Variants in ASB1 observed in about 807,000 individuals in gnomAD.
ASB1 encodes the protein ankyrin repeat and SOCS box containing 1, also known as ankyrin repeat and SOCS box protein 1.
In ASB1, 18 loss-of-function variants were observed where a neutral mutation model predicts 27.7. The ratio of observed to expected loss-of-function variants is 0.65; its 90% CI spans 0.45 to 0.96. ASB1 has a LOEUF of 0.96. Among genes scored for constraint, ASB1 ranks in the 50% least tolerant of loss-of-function variants. The probability of loss-of-function intolerance (pLI) is 0.00; values close to 1 mark genes in which losing one functional copy is unlikely to be tolerated. For synonymous variants in ASB1, 189 were observed against 187.6 expected (o/e 1.01, Z -0.06); for missense variants, 397 against 451.7 (o/e 0.88, Z 1.10).
chr2:238,438,556 C>T (rs557574762), intron 3 of ASB1, among the ~76,000 whole-genome samples: 27 of 152,250 alleles, frequency 1.8e-4, no homozygotes, highest in African/African-American at 5.1e-4. Context: ...CACTGGAGCA[C>T]GGGACATTAC....
intron 3 of ASB1, among the ~76,000 whole-genome samples, chr2:238,442,927 A>G (rs1039903277): frequency 2.0e-5 from 3 of 152,200 alleles, no homozygotes; most frequent in East Asian, 1.9e-4. Context: ...CCAGTGCCAC[A>G]GTTTTATTTT....
chr2:238,436,636 C>G (rs751259292), intron 3 of ASB1, among the ~76,000 whole-genome samples: 8 of 152,156 alleles, frequency 5.3e-5, no homozygotes, highest in Non-Finnish European at 7.3e-5. Context: ...GTAGCTGACA[C>G]TACAGGTGTG....
At position 238,434,905 on chromosome 2, in the gene ASB1, C is replaced by T. The variant is rs191178175; in HGVS notation, c.192-806C>T. Among the ~76,000 whole-genome samples the T allele has an allele frequency of 2.4e-3, 372 of 152,350 alleles. 1 individual carries two copies. Among genetic ancestry groups the T allele is most frequent in the African/African-American group, 7.9e-3 (329 of 41,584 alleles). On this transcript the variant is annotated intron_variant, in intron 2 of 4. Transcript: ENST00000264607. ...GGTGATGAGTTCCTGGAGTGTTCCT[C>T]GACTTTCCTGGGCAGTCAGAGCCTA... is the stretch of plus-strand genomic sequence containing the variant.
At chr2:238,432,453 G>A (rs951071241) in intron 1 of ASB1, among the ~76,000 whole-genome samples, 7 of 125,514 alleles carry the variant, frequency 5.6e-5, no homozygotes, top group African/African-American at 1.7e-4. Flanking sequence ...TTTAACCTTC[G>A]TTTTTATTGA....
chr2:238,436,501 T>C (rs1701974282), intron 3 of ASB1, among the ~76,000 whole-genome samples: 1 of 152,082 alleles, frequency 6.6e-6, no homozygotes, highest in East Asian at 1.9e-4. Context: ...ATTATTATTA[T>C]TTTTGTTTAG....
rs780095192 is a variant in ASB1 at position 238,446,384 on chromosome 2, G to A, written c.881G>A (p.Ser294Asn). 21 of 1,598,910 alleles carry A rather than the reference G, an allele frequency of 1.3e-5. No individual in the cohort carries two copies. Among genetic ancestry groups the A allele is most frequent in the Admixed American group, 1.7e-5 (1 of 57,798 alleles). Reference sequence around the variant, plus strand: ...CTCTCTTTCTTCCCACGGCCTTCAGGTGTTCCCAGAACCTTGCTGTGTCTG... The same window carrying A: ...CTCTCTTTCTTCCCACGGCCTTCAGATGTTCCCAGAACCTTGCTGTGTCTG... ...EALQVFKEAR[S>N]VPRTLLCLCR... The change falls in exon 5 of 5, where the codon AGT becomes AAT. Residue 294 changes from serine to asparagine, a missense_variant and splice_region_variant. Transcript: ENST00000264607.
Position 238,449,791 on chromosome 2 carries a change from C to A in ASB1, c.*3280C>A, listed in dbSNP as rs891233334. 1 of 152,116 alleles carries A rather than the reference C, an allele frequency of 6.6e-6. No individual in the cohort carries two copies. The highest frequency in any genetic ancestry group is 2.1e-4 in the South Asian group (1 of 4,828). 9.4% of individuals were successfully genotyped at this position (152,116 alleles called of 1,614,324 possible). On this transcript the variant is annotated 3_prime_UTR_variant, in exon 5 of 5. Coordinates refer to ENST00000264607, the MANE Select transcript of ASB1 (RefSeq NM_001040445.3). ...AACAGGTAATTTTAAAGAGAAGGAA[C>A]AATTGTTTTTAGTAAGTTTTCTTTT...
At position 238,446,509 on chromosome 2, in the gene ASB1, T is replaced by A; in HGVS notation, c.1006T>A (p.Ter336LysextTer32). ...DPIKKFLLHE[*>K] ...CATAAAGAAGTTTCTACTCCATGAG[T>A]AGACTCCAAGTGCTGCGGTTGATTC... Residue 336 changes from the stop codon to lysine (K), a stop_lost, in exon 5 of 5, where the codon TAG becomes AAG. Transcript: ENST00000264607. 6.2e-7 allele frequency: 1 copy of A among 1,613,882 alleles called. No individual in the cohort carries two copies. Among genetic ancestry groups the A allele is most frequent in the Non-Finnish European group, 8.5e-7 (1 of 1,179,996 alleles).
chr2:238,427,195 T>TCCTGCGTCCTCGTC (rs1401616636), intron 1 of ASB1, 76 bp downstream of exon 1: 1 of 1,084,004 alleles, frequency 9.2e-7, no homozygotes, highest in Non-Finnish European at 1.2e-6. Flanking sequence ...CCTGCCGAGG[T>TCCTGCGTCCTCGTC]CCTGCGTCCT....
chr2:238,445,344 C>T (rs1366268825), intron 4 of ASB1, among the ~76,000 whole-genome samples: 1 of 152,118 alleles, frequency 6.6e-6, no homozygotes, highest in Non-Finnish European at 1.5e-5. Context: ...ACAGTGACTT[C>T]TTTTATGCCT....
intron 3 of ASB1, among the ~76,000 whole-genome samples, chr2:238,441,395 G>A (rs113908417): frequency 0.016 from 2,359 of 152,150 alleles, 58 homozygotes; most frequent in African/African-American, 0.045. Flanking sequence ...TTGGCCTCCT[G>A]AAGCGCTGGG....
Position 238,433,661 on chromosome 2 carries a change from C to T in ASB1, c.157C>T (p.Leu53Phe), listed in dbSNP as rs1287770063. The change falls in exon 2 of 5, where the codon CTC (leucine) becomes TTC (phenylalanine). Residue 53 changes from leucine (L) to phenylalanine (F), a missense_variant. Transcript: ENST00000264607. ...DAAYVGDLQT[L>F]RSLLQEESYR... is the part of the protein sequence containing the mutation. The stretch of plus-strand genomic sequence containing the variant: ...AGCTTACGTCGGGGACCTCCAGACC[C>T]TCAGGAGCCTATTGCAAGAGGAGAG... 5 of 1,614,108 alleles carry T rather than the reference C, an allele frequency of 3.1e-6. No homozygotes were observed. The highest frequency in any genetic ancestry group is 3.4e-6 in the Non-Finnish European group (4 of 1,179,984).
intron 1 of ASB1, among the ~76,000 whole-genome samples, chr2:238,429,863 G>A (rs953049816): frequency 1.3e-5 from 2 of 151,714 alleles, no homozygotes; most frequent in Non-Finnish European, 2.9e-5. Flanking sequence ...GCGTGAACCC[G>A]GGAGGCGGAT....
At chr2:238,435,291 G>A in intron 2 of ASB1, 1 of 202,786 alleles carries the variant, frequency 4.9e-6, no homozygotes, top group Non-Finnish European at 1.0e-5. Context: ...GAGAGGCCCA[G>A]CCTCAAGCCT....
intron 1 of ASB1, 140 bp from the exon 2 acceptor site, chr2:238,433,414 C>A: frequency 1.9e-6 from 2 of 1,055,024 alleles, no homozygotes; most frequent in South Asian, 1.6e-5. Flanking sequence ...TGCCACCATG[C>A]CCAGCTTGTG....
rs529870319 is a variant in ASB1 at position 238,444,234 on chromosome 2, G to A, written c.495-108G>A. 4.9e-5 allele frequency: 64 copies of A among 1,299,682 alleles called. No homozygotes were observed. In the African/African-American group the frequency reaches 6.8e-4, roughly 14 times the overall value. The allele number at this position is 1,299,682 out of a possible 1,614,324, so 80.5% of individuals were successfully genotyped here. On this transcript the variant is annotated intron_variant, in intron 3 of 4. Transcript: ENST00000264607. ...GTCTCCTACAGCGCCTGGTGTCACT[G>A]AATCAAGGCCTTCTGCTCAGGGTGG...
At chr2:238,443,858 A>T (rs190559312) in intron 3 of ASB1, among the ~76,000 whole-genome samples, 1 of 151,874 alleles carries the variant, frequency 6.6e-6, no homozygotes, top group Non-Finnish European at 1.5e-5. Context: ...CATTCTTGGG[A>T]TAACTCCCAT....
chr2:238,444,340 A>G lies in ASB1; in HGVS notation c.495-2A>G. On this transcript the variant is annotated splice_acceptor_variant, in intron 3 of 4. Transcript: ENST00000264607. LOFTEE classifies it high-confidence loss of function. ...GTCTGACTTTCCCTTTCTTCCCTGCAGGTACGGGGCTGATGTTGACGTCAA... is the reference window on the plus strand; with the variant it reads ...GTCTGACTTTCCCTTTCTTCCCTGCGGGTACGGGGCTGATGTTGACGTCAA... The G allele has an allele frequency of 1.3e-6, 2 of 1,598,806 alleles. No homozygotes were observed. Among genetic ancestry groups the G allele is most frequent in the African/African-American group, 1.3e-5 (1 of 74,780 alleles).
rs1702184863 is a variant in ASB1 at position 238,446,571 on chromosome 2, C to G, written c.*60C>G. On this transcript the variant is annotated 3_prime_UTR_variant, in exon 5 of 5. Transcript: ENST00000264607. ...AAAGTGATCTGCAGGGAGGTGGACA[C>G]CGAGCCCTGAGTGCTGTGCTGCTGC... 4 of 1,597,012 alleles carry G rather than the reference C, an allele frequency of 2.5e-6. No individual in the cohort carries two copies.
Sources: gnomAD v4.1 joint callset for allele counts (sites outside exome capture counted in the v4.1 genomes callset) on GRCh38, gnomAD v4.1.1 for gene constraint, MANE v1.5 for transcripts, NCBI Gene and HGNC (gene_info 2026-07-23, HGNC 2026-07-21) for gene names.